The following UNC5D variants were observed in gnomAD, a reference collection of about 807,000 sequenced individuals.
UNC5D encodes the protein unc-5 netrin receptor D, also known as netrin receptor UNC5D.
A neutral mutation model predicts 105.4 loss-of-function variants in UNC5D; 39 were observed. That is an observed-to-expected ratio of 0.37 (90% CI 0.29 to 0.48). The LOEUF is 0.48. Ranked by LOEUF, UNC5D falls within the 20% of genes least tolerant of loss-of-function variation. UNC5D has a pLI of 0.98. For missense variants in UNC5D, 991 were observed against 1,202.4 expected, an observed-to-expected ratio of 0.82 and a Z score of 2.60; for synonymous variants, 452 against 450.4, an observed-to-expected ratio of 1.00 and a Z score of -0.04.
chr8:35,599,411 C>T (rs1377956872), intron 4 of UNC5D, among the ~76,000 whole-genome samples: 2 of 152,120 alleles, frequency 1.3e-5, no homozygotes, highest in Non-Finnish European at 2.9e-5. Context: ...GTAATACATA[C>T]ATTATTTAGC....
chr8:35,549,310 C>T lies in UNC5D; in HGVS notation c.122C>T (p.Ala41Val). Residue 41 changes from alanine to valine, a missense_variant, in exon 2 of 17, where the codon GCC (alanine) becomes GTC (valine). By Grantham distance (64) the Ala-to-Val change is moderately conservative. This residue lies in a region of UNC5D where 944 missense variants were observed against 1,131.6 expected (regional missense o/e 0.83). Transcript: ENST00000404895. ...AAARGTDNGE[A>V]LPESIPSAPG... is the part of the protein sequence containing the mutation. ...TTCACAGGAACTGACAATGGCGAAG[C>T]CCTTCCCGAATCCATCCCATCAGCT... 1 of 1,613,200 alleles carries T rather than the reference C, an allele frequency of 6.2e-7. No homozygotes were observed.
At chr8:35,480,834 C>G (rs1423544982) in intron 1 of UNC5D, among the ~76,000 whole-genome samples, 1 of 152,132 alleles carries the variant, frequency 6.6e-6, no homozygotes, top group Non-Finnish European at 1.5e-5. Context: ...CTGATTACCA[C>G]AATGATAAAG....
intron 1 of UNC5D, among the ~76,000 whole-genome samples, chr8:35,350,022 T>A (rs1812093223): frequency 6.6e-6 from 1 of 152,030 alleles, no homozygotes; most frequent in Non-Finnish European, 1.5e-5. Flanking sequence ...GCACATAATA[T>A]TCTTGTGTTA....
intron 1 of UNC5D, among the ~76,000 whole-genome samples, chr8:35,334,720 G>A (rs1585609905): frequency 6.6e-6 from 1 of 152,102 alleles, no homozygotes; most frequent in African/African-American, 2.4e-5. Flanking sequence ...CACCATGTTG[G>A]CAAGGATGGT....
At chr8:35,529,555 C>A (rs1401216463) in intron 1 of UNC5D, among the ~76,000 whole-genome samples, 1 of 119,786 alleles carries the variant, frequency 8.3e-6, no homozygotes, top group Non-Finnish European at 1.7e-5. Context: ...TCCATATGAA[C>A]TTTAAAGTAG....
chr8:35,259,085 C>G (rs1325621280), intron 1 of UNC5D, among the ~76,000 whole-genome samples: 2 of 152,094 alleles, frequency 1.3e-5, no homozygotes, highest in Non-Finnish European at 2.9e-5. Context: ...GATAAATGTC[C>G]TTGGGAGCAG....
intron 1 of UNC5D, among the ~76,000 whole-genome samples, chr8:35,488,741 T>TA (rs1269214463): frequency 6.6e-6 from 1 of 152,220 alleles, no homozygotes; most frequent in African/African-American, 2.4e-5. Flanking sequence ...GTCTTATGCA[T>TA]ATCCTACCAT....
chr8:35,748,723 C>A (rs1830121049), intron 12 of UNC5D, 28 bp downstream of exon 12: 1 of 1,605,258 alleles, frequency 6.2e-7, no homozygotes. Context: ...CTTTTTTAAA[C>A]AGTGGGATTT....
At chr8:35,581,377 A>C (rs1331666327) in intron 3 of UNC5D, among the ~76,000 whole-genome samples, 1 of 152,158 alleles carries the variant, frequency 6.6e-6, no homozygotes, top group East Asian at 1.9e-4. Flanking sequence ...CCTACCTGAC[A>C]CATCCACTTG....
intron 1 of UNC5D, among the ~76,000 whole-genome samples, chr8:35,325,812 C>T (rs1306177626): frequency 2.6e-5 from 4 of 152,168 alleles, no homozygotes; most frequent in East Asian, 3.9e-4. Flanking sequence ...ACTTAATGTC[C>T]GTTGTGCTAG....
At chr8:35,533,460 C>G (rs1237406972) in intron 1 of UNC5D, among the ~76,000 whole-genome samples, 1 of 152,216 alleles carries the variant, frequency 6.6e-6, no homozygotes, top group East Asian at 1.9e-4. Context: ...AGCTGTCATA[C>G]AAGGACACTT....
chr8:35,506,385 T>C (rs765286459), intron 1 of UNC5D, among the ~76,000 whole-genome samples: 11 of 152,208 alleles, frequency 7.2e-5, no homozygotes, highest in Non-Finnish European at 1.5e-4. Flanking sequence ...TGCCTATTAC[T>C]TGTATGGCAA....
intron 1 of UNC5D, among the ~76,000 whole-genome samples, chr8:35,507,049 CTTTTT>C (rs71215631): frequency 4.5e-4 from 34 of 76,184 alleles, no homozygotes; most frequent in Non-Finnish European, 7.0e-4. Context: ...CAGGGCTTTT[CTTTTT>C]TTTTTTTTTT....
chr8:35,673,050 T>C (rs1824932391), intron 4 of UNC5D, among the ~76,000 whole-genome samples: 1 of 152,162 alleles, frequency 6.6e-6, no homozygotes, highest in Non-Finnish European at 1.5e-5. Flanking sequence ...ATCATTTGCT[T>C]GGTTCTGCTG....
intron 4 of UNC5D, among the ~76,000 whole-genome samples, chr8:35,641,837 G>T (rs553278793): frequency 1.8e-4 from 27 of 152,198 alleles, no homozygotes; most frequent in African/African-American, 6.3e-4. Flanking sequence ...AATTGCAAGT[G>T]CTGTCTTAAG....
intron 1 of UNC5D, among the ~76,000 whole-genome samples, chr8:35,265,773 G>GGCAGGA (rs1236614677): frequency 6.6e-6 from 1 of 151,856 alleles, no homozygotes; most frequent in Non-Finnish European, 1.5e-5. Flanking sequence ...CAGAGGCTGA[G>GGCAGGA]GCAGGAGAAT....
At chr8:35,755,174 A>G (rs1830458051) in intron 13 of UNC5D, among the ~76,000 whole-genome samples, 1 of 152,196 alleles carries the variant, frequency 6.6e-6, no homozygotes. Flanking sequence ...GAACACACAC[A>G]TGCATGCACA....
At chr8:35,728,095 A>AAAAAAAAAAAAAT (rs34672872) in intron 10 of UNC5D, among the ~76,000 whole-genome samples, 2 of 110,364 alleles carry the variant, frequency 1.8e-5, no homozygotes, top group African/African-American at 1.1e-4. Context: ...AAAAAAAAAA[A>AAAAAAAAAAAAAT]ATATATATAT....
At chr8:35,468,088 A>C (rs1809441235) in intron 1 of UNC5D, among the ~76,000 whole-genome samples, 1 of 152,202 alleles carries the variant, frequency 6.6e-6, no homozygotes. Flanking sequence ...TTTACTATGA[A>C]TTAGATAAAT....
Sources: gnomAD v4.1 joint callset for allele counts (sites outside exome capture counted in the v4.1 genomes callset) on GRCh38, gnomAD v4.1.1 for gene constraint, gnomAD v4.1.1 regional missense constraint, MANE v1.5 for transcripts, NCBI Gene and HGNC (gene_info 2026-07-23, HGNC 2026-07-21) for gene names.